The following AK3 variants were observed in gnomAD, a reference collection of about 807,000 sequenced individuals.
AK3 encodes the protein adenylate kinase 3.
In AK3, 27 loss-of-function variants were observed where a neutral mutation model predicts 23.7. The observed-to-expected ratio is 1.14, with a 90% CI of 0.84 to 1.57. The LOEUF is 1.57. AK3 is among the 40% of genes most tolerant of loss of function. The pLI is 0.00. For missense variants in AK3, 406 were observed against 285.6 expected, an observed-to-expected ratio of 1.42 and a Z score of -3.04; for synonymous variants, 159 against 116.0, an observed-to-expected ratio of 1.37 and a Z score of -2.38.
intron 1 of AK3, among the ~76,000 whole-genome samples, chr9:4,730,094 G>T (rs1842119294): frequency 6.6e-6 from 1 of 152,170 alleles, no homozygotes; most frequent in Admixed American, 6.5e-5. Flanking sequence ...TATATCGTAT[G>T]ATTCCATTTG....
chr9:4,726,639 G>T (rs1295456777), intron 1 of AK3, among the ~76,000 whole-genome samples: 2 of 151,926 alleles, frequency 1.3e-5, no homozygotes, highest in South Asian at 2.1e-4. Flanking sequence ...TACACTGAAG[G>T]CTTGAACCCC....
intron 1 of AK3, among the ~76,000 whole-genome samples, chr9:4,728,403 T>C (rs1587650905): frequency 6.6e-6 from 1 of 152,040 alleles, no homozygotes; most frequent in African/African-American, 2.4e-5. Flanking sequence ...AAACCCTGTC[T>C]CTACTAGTAA....
chr9:4,718,692 A>G (rs1479388736), intron 3 of AK3, among the ~76,000 whole-genome samples, 155 bp from the exon 4 acceptor site: 1 of 152,242 alleles, frequency 6.6e-6, no homozygotes, highest in Non-Finnish European at 1.5e-5. Flanking sequence ...CTCAAAAGAG[A>G]TCATCGCAAC....
At chr9:4,728,009 A>T (rs1400100222) in intron 1 of AK3, among the ~76,000 whole-genome samples, 4 of 152,224 alleles carry the variant, frequency 2.6e-5, no homozygotes, top group African/African-American at 7.2e-5. Context: ...TTGCCATCTT[A>T]TATGGGTATA....
At chr9:4,721,572 T>A (rs1841896623) in intron 2 of AK3, among the ~76,000 whole-genome samples, 1 of 151,870 alleles carries the variant, frequency 6.6e-6, no homozygotes, top group Admixed American at 6.6e-5. Flanking sequence ...AATTCCCCTG[T>A]CTCAGCCTCC....
intron 1 of AK3, among the ~76,000 whole-genome samples, chr9:4,724,506 A>G (rs963942330): frequency 1.3e-5 from 2 of 152,322 alleles, no homozygotes; most frequent in African/African-American, 4.8e-5. Flanking sequence ...AGCCAAGGCA[A>G]TTAGTCCAGA....
chr9:4,726,744 G>T, intron 1 of AK3, among the ~76,000 whole-genome samples: 1 of 150,460 alleles, frequency 6.6e-6, no homozygotes, highest in Non-Finnish European at 1.5e-5. Flanking sequence ...TGTTCTTCCT[G>T]GCATCTAGAA....
chr9:4,720,888 G>C (rs1841878578), intron 2 of AK3, among the ~76,000 whole-genome samples: 1 of 152,038 alleles, frequency 6.6e-6, no homozygotes, highest in Non-Finnish European at 1.5e-5. Flanking sequence ...GAGAAATAAT[G>C]GCCCTTTCCT....
At chr9:4,734,618 C>G (rs376620774) in intron 1 of AK3, among the ~76,000 whole-genome samples, 6 of 152,280 alleles carry the variant, frequency 3.9e-5, no homozygotes, top group East Asian at 3.9e-4. Flanking sequence ...TTAAAAAATA[C>G]CAATCTAGCA....
chr9:4,740,607 A>AT (rs1842405824), intron 1 of AK3, among the ~76,000 whole-genome samples: 1 of 152,204 alleles, frequency 6.6e-6, no homozygotes, highest in Non-Finnish European at 1.5e-5. Context: ...GCTGCGGCTC[A>AT]GCTCGATGGA....
At chr9:4,721,904 G>C (rs1272094043) in intron 2 of AK3, among the ~76,000 whole-genome samples, 1 of 151,698 alleles carries the variant, frequency 6.6e-6, no homozygotes, top group African/African-American at 2.4e-5. Flanking sequence ...AAGCAAGTCA[G>C]GGCTGCAGGG....
chr9:4,712,236 T>G lies in AK3; in HGVS notation c.*740A>C, dbSNP rs1841580103. On this transcript the variant is annotated 3_prime_UTR_variant, in exon 5 of 5. Coordinates refer to ENST00000381809, the MANE Select transcript of AK3 (RefSeq NM_016282.4). ...TTGTTGAAAATTCATTCAACTTTGG[T>G]GCTTGTAAAAGCACTTATGTCAATT... 1 of 152,206 alleles carries G rather than the reference T, an allele frequency of 6.6e-6. No individual in the cohort carries two copies. The highest frequency in any genetic ancestry group is 1.5e-5 in the Non-Finnish European group (1 of 68,024). The allele number at this position is 152,206 out of a possible 1,614,324, so 9.4% of individuals were successfully genotyped here.
At chr9:4,716,064 C>T (rs1270492775) in intron 4 of AK3, among the ~76,000 whole-genome samples, 3 of 152,158 alleles carry the variant, frequency 2.0e-5, no homozygotes, top group Admixed American at 2.0e-4. Context: ...GAAGCCAGCA[C>T]AGGACAATGG....
At chr9:4,731,561 A>G (rs898374378) in intron 1 of AK3, among the ~76,000 whole-genome samples, 5 of 123,618 alleles carry the variant, frequency 4.0e-5, no homozygotes, top group African/African-American at 1.1e-4. Context: ...TAATGCTTCA[A>G]TTGAAGCTTA....
At chr9:4,719,853 C>G (rs4286995) in intron 2 of AK3, among the ~76,000 whole-genome samples, 74,198 of 151,944 alleles carry the variant, frequency 0.49, 18,366 homozygotes, top group South Asian at 0.56. Flanking sequence ...ATCACCTGAG[C>G]TCAGGAGTTC....
At position 4,731,086 on chromosome 9, in the gene AK3, A is replaced by C. The variant is rs563811394; in HGVS notation, c.152-8461T>G. Among the ~76,000 whole-genome samples, 150 of 152,300 alleles carry C rather than the reference A, an allele frequency of 9.8e-4. 1 individual carries two copies. The highest frequency in any genetic ancestry group is 3.5e-3 in the African/African-American group (144 of 41,568). The stretch of plus-strand genomic sequence containing the variant: ...GATATTGTCATTCTTTCTCAAATGT[A>C]AAGTGTTTTTATTTTATTGTTCTTG... On this transcript the variant is annotated intron_variant, in intron 1 of 4. Coordinates refer to ENST00000381809, the MANE Select transcript of AK3 (RefSeq NM_016282.4).
intron 1 of AK3, among the ~76,000 whole-genome samples, chr9:4,734,350 G>A (rs150188415): frequency 0.02 from 2,781 of 136,922 alleles, 41 homozygotes; most frequent in Middle Eastern, 0.05. Flanking sequence ...TTGTGTTACG[G>A]CAGCCTGAGC....
At chr9:4,735,777 A>G (rs938239465) in intron 1 of AK3, among the ~76,000 whole-genome samples, 2 of 67,760 alleles carry the variant, frequency 3.0e-5, no homozygotes, top group African/African-American at 1.2e-4. Context: ...CCAAAAAAAT[A>G]TTTTAAAAAG....
chr9:4,716,290 C>G (rs1030412392), intron 4 of AK3, among the ~76,000 whole-genome samples: 49 of 152,176 alleles, frequency 3.2e-4, no homozygotes, highest in African/African-American at 1.1e-3. Flanking sequence ...TGGAGCCTGA[C>G]AGGGACTGGA....
Sources: gnomAD v4.1 joint callset for allele counts (sites outside exome capture counted in the v4.1 genomes callset) on GRCh38, gnomAD v4.1.1 for gene constraint, MANE v1.5 for transcripts, NCBI Gene and HGNC (gene_info 2026-07-23, HGNC 2026-07-21) for gene names.